Variants in LMF1 observed in about 807,000 individuals in gnomAD.
LMF1 encodes lipase maturation factor 1.
Under a neutral mutation model 60.6 loss-of-function variants are expected in LMF1, and 68 were observed. That is an observed-to-expected ratio of 1.12 (90% CI 0.92 to 1.37). The LOEUF (loss-of-function observed/expected upper bound fraction) is 1.37. Among genes scored for constraint, LMF1 ranks in the 40% most tolerant of loss-of-function variants. LMF1 has a pLI of 0.00. For synonymous variants in LMF1, 418 were observed against 324.7 expected (o/e 1.29, Z -3.09); for missense variants, 948 against 767.2 (o/e 1.24, Z -2.78).
At chr16:859,552 GC>G (rs66583872) in intron 10 of LMF1, among the ~76,000 whole-genome samples, 2,530 of 3,066 alleles carry the variant, frequency 0.83, 1,012 homozygotes, top group Admixed American at 0.89. Flanking sequence ...GGACGGGTGT[GC>G]AGTGATGTCA....
intron 3 of LMF1, among the ~76,000 whole-genome samples, chr16:912,172 T>C (rs755457912): frequency 1.3e-5 from 2 of 151,910 alleles, no homozygotes; most frequent in Admixed American, 1.3e-4. Flanking sequence ...ACCACCACAG[T>C]GTCTATGCGC....
At chr16:955,019 T>C (rs200273139) in intron 1 of LMF1, among the ~76,000 whole-genome samples, 2,426 of 38,660 alleles carry the variant, frequency 0.063, 20 homozygotes, top group African/African-American at 0.14. Context: ...CTGCAGCAGA[T>C]GCGGTGTGTG....
chr16:935,373 G>A (rs73483815), intron 2 of LMF1, among the ~76,000 whole-genome samples: 11,009 of 152,178 alleles, frequency 0.072, 456 homozygotes, highest in Non-Finnish European at 0.091. Context: ...GGGATGACAG[G>A]TGTGAACTGC....
intron 9 of LMF1, 79 bp from the exon 10 acceptor site, chr16:869,135 C>G (rs1567151057): frequency 1.7e-5 from 16 of 914,352 alleles, no homozygotes; most frequent in Non-Finnish European, 2.9e-5. Context: ...CGGCTGTGCC[C>G]TCCACTCCCT....
At chr16:879,194 T>A (rs1337237259) in intron 6 of LMF1, among the ~76,000 whole-genome samples, 1 of 152,082 alleles carries the variant, frequency 6.6e-6, no homozygotes, top group African/African-American at 2.4e-5. Context: ...CATGAACACT[T>A]GAAAGGAAAC....
rs1228045857 is a variant in LMF1, at chr16:925,566, T to C, written c.514+8678A>G. On this transcript the variant is annotated intron_variant, in intron 3 of 10. Coordinates refer to ENST00000262301, the MANE Select transcript of LMF1 (RefSeq NM_022773.4). ...ACAACATAGCAAGACCCTGTCACTATAAAAAAGAAAATAAAAAAATTAATC... is the reference window on the plus strand; with the variant it reads ...ACAACATAGCAAGACCCTGTCACTACAAAAAAGAAAATAAAAAAATTAATC... 2.0e-5 allele frequency among the ~76,000 whole-genome samples: 3 copies of C among 151,942 alleles called. No individual in the cohort carries two copies. In the East Asian group the frequency reaches 5.8e-4, roughly 29 times the overall value.
At chr16:871,026 C>T in intron 7 of LMF1, 135 bp downstream of exon 7, 1 of 1,398,038 alleles carries the variant, frequency 7.2e-7, no homozygotes, top group Non-Finnish European at 9.5e-7. Context: ...CACCTTGTTC[C>T]TGGCACGCTA....
rs774441819 is a variant in LMF1, at chr16:879,699, G to T, written c.768C>A (p.His256Gln). ...AGCGATGGAACCACCAGGGTGAGTG[G>T]TGCAGGTAGTACGCCACAGGATTGG... ...PMPNPVAYYL[H>Q]HSPWWFHRFE... Residue 256 changes from histidine to glutamine, a missense_variant, in exon 6 of 11, where the codon CAC becomes CAA. By Grantham distance (24) the His-to-Gln change is conservative (BLOSUM62 0). Coordinates refer to ENST00000262301, the MANE Select transcript of LMF1 (RefSeq NM_022773.4). 2.5e-6 allele frequency: 4 copies of T among 1,602,930 alleles called. No individual in the cohort carries two copies. In the South Asian group the frequency reaches 4.5e-5, roughly 18 times the overall value.
At chr16:864,318 A>C (rs150702758) in intron 10 of LMF1, among the ~76,000 whole-genome samples, 1 of 152,346 alleles carries the variant, frequency 6.6e-6, no homozygotes, top group Non-Finnish European at 1.5e-5. Context: ...AGGGTCCCTA[A>C]CTTATGAGAG....
At chr16:966,233 TG>T (rs1201088611) in intron 1 of LMF1, among the ~76,000 whole-genome samples, 1 of 152,176 alleles carries the variant, frequency 6.6e-6, no homozygotes, top group Non-Finnish European at 1.5e-5. Flanking sequence ...GCTCGTCCAC[TG>T]GGGCCCCAGC....
intron 8 of LMF1, 32 bp from the exon 9 acceptor site, chr16:870,098 G>A (rs746742637): frequency 2.5e-5 from 40 of 1,592,378 alleles, no homozygotes; most frequent in South Asian, 4.5e-5. Context: ...CCAGGCCCAC[G>A]TCACACACCG....
chr16:980,672 G>C (rs999212222), intron 1 of LMF1: 2 of 147,734 alleles, frequency 1.4e-5, no homozygotes, highest in African/African-American at 2.6e-5. Context: ...CCACCCTCGG[G>C]GACGGCCGGG....
chr16:887,480 C>T (rs1029596477), intron 5 of LMF1, among the ~76,000 whole-genome samples: 15 of 152,294 alleles, frequency 9.8e-5, no homozygotes, highest in African/African-American at 3.1e-4. Flanking sequence ...GGGAGCTCGG[C>T]GGGCACGGGG....
At chr16:924,244 C>T (rs1341929583) in intron 3 of LMF1, among the ~76,000 whole-genome samples, 2 of 152,064 alleles carry the variant, frequency 1.3e-5, no homozygotes, top group African/African-American at 4.8e-5. Context: ...GAAGAATAAC[C>T]CATATAAACC....
In LMF1 at chr16:878,398, T is replaced by TG. The variant is rs1790962108; in HGVS notation, c.897+1171dup. On this transcript the variant is annotated intron_variant, in intron 6 of 10. Coordinates refer to ENST00000262301, the MANE Select transcript of LMF1 (RefSeq NM_022773.4). The surrounding 1 kb of genome is among the most constrained non-coding windows in gnomAD (Gnocchi z 5.2). ...CCCCGGCGGCCAGAGTGAGGGTCCT[T>TG]GCTGGGGGGAGGGGTCAAGAACAGC... 1.3e-5 allele frequency among the ~76,000 whole-genome samples: 2 copies of TG among 152,064 alleles called. No homozygotes were observed. The highest frequency in any genetic ancestry group is 4.8e-5 in the African/African-American group (2 of 41,406).
intron 4 of LMF1, chr16:901,131 C>G (rs1244604887): frequency 2.0e-5 from 3 of 152,212 alleles, no homozygotes; most frequent in Non-Finnish European, 4.4e-5. Context: ...TTTCAATTCT[C>G]CAGGGGTCAA....
At chr16:974,110 A>T (rs1323708054), upstream of LMF1, among the ~76,000 whole-genome samples, 1 of 152,152 alleles carries the variant, frequency 6.6e-6, no homozygotes, top group African/African-American at 2.4e-5. Context: ...GTCGGAATAC[A>T]TCATGTCATT....
intron 1 of LMF1, chr16:976,440 G>A (rs1262942694): frequency 2.2e-6 from 1 of 454,132 alleles, no homozygotes; most frequent in Admixed American, 2.3e-5. Context: ...ACCAACGGAA[G>A]CGTTGATTCC....
chr16:923,743 C>G lies in LMF1; in HGVS notation c.514+10501G>C, dbSNP rs558346522. On this transcript the variant is annotated intron_variant, in intron 3 of 10. Coordinates refer to ENST00000262301, the MANE Select transcript of LMF1 (RefSeq NM_022773.4). ...GACAAACTCATCAGTGGCCCCCAAT[C>G]TGGCAGAGTTAACCTGCCCCACAAT... is the stretch of plus-strand genomic sequence containing the variant. 3.1e-4 allele frequency among the ~76,000 whole-genome samples: 47 copies of G among 152,328 alleles called. No individual in the cohort carries two copies. The Middle Eastern group carries it at 0.017, about 55-fold the overall frequency.
Sources: allele counts gnomAD v4.1 joint callset (sites outside exome capture counted in the v4.1 genomes callset), GRCh38; gene constraint gnomAD v4.1.1; non-coding constraint Gnocchi (gnomAD v3.1); transcripts MANE v1.5; gene names NCBI Gene and HGNC (gene_info 2026-07-23, HGNC 2026-07-21).